The following RGL3 variants were observed in gnomAD, a reference collection of about 807,000 sequenced individuals.
The protein encoded by RGL3 is ral guanine nucleotide dissociation stimulator like 3.
Under a neutral mutation model 90.6 loss-of-function variants are expected in RGL3, and 85 were observed. The ratio of observed to expected loss-of-function variants is 0.94; its 90% CI spans 0.79 to 1.12. The LOEUF (loss-of-function observed/expected upper bound fraction) is 1.12. RGL3 is among the 50% of genes most tolerant of loss of function. RGL3 has a pLI of 0.00. For missense variants in RGL3, 1,034 were observed against 939.2 expected (o/e 1.10, Z -1.32); for synonymous variants, 408 against 385.5 (o/e 1.06, Z -0.68).
rs771958776 is a variant in RGL3, at chr19:11,416,086, G to C, written c.488C>G (p.Pro163Arg). The C allele has an allele frequency of 1.4e-5, 22 of 1,609,302 alleles. 1 individual carries two copies. The South Asian group carries it at 2.3e-4, about 17-fold the overall frequency. The change falls in exon 5 of 19, where the codon CCT becomes CGT. Residue 163 changes from proline to arginine, a missense_variant. Pro to Arg is a moderately radical substitution (Grantham distance 103). Coordinates refer to ENST00000380456, the MANE Select transcript of RGL3 (RefSeq NM_001035223.4). ...QDHPQDFRDH[P>R]AHSDLGSVRT... Reference sequence around the variant, plus strand: ...GACACTGCCCAGGTCCGAATGGGCAGGGTGGTCTCGGAAATCCTGAGGGTG... The same window carrying C: ...GACACTGCCCAGGTCCGAATGGGCACGGTGGTCTCGGAAATCCTGAGGGTG...
intron 9 of RGL3, among the ~76,000 whole-genome samples, chr19:11,403,219 T>C (rs1038060979): frequency 1.3e-5 from 2 of 150,906 alleles, no homozygotes; most frequent in Non-Finnish European, 3.0e-5. Flanking sequence ...GTATTTTTAG[T>C]AGAGACAGGG....
chr19:11,408,386 A>G (rs1178306295), intron 5 of RGL3, among the ~76,000 whole-genome samples: 2 of 152,200 alleles, frequency 1.3e-5, no homozygotes, highest in South Asian at 2.1e-4. Flanking sequence ...GTTCGAGACC[A>G]GCGTGGCCAA....
rs370515953 is a variant in RGL3 at position 11,405,169 on chromosome 19, C to T, written c.1163G>A (p.Ser388Asn). 1 of 1,613,956 alleles carries T rather than the reference C, an allele frequency of 6.2e-7. No homozygotes were observed. The highest frequency in any genetic ancestry group is 1.3e-5 in the African/African-American group (1 of 74,916). ...QIFSDENNHL[S>N]SREILFQEEA... ...TACCTGGAAAAGAATCTCTCTGCTG[C>T]TGAGGTGGTTGTTCTCATCGGAGAA... The change falls in exon 9 of 19, where the codon AGC becomes AAC. Residue 388 changes from serine to asparagine, a missense_variant. Physicochemically the swap from Ser to Asn is conservative, Grantham distance 46. Coordinates refer to ENST00000380456, the MANE Select transcript of RGL3 (RefSeq NM_001035223.4).
At chr19:11,414,153 A>ATATATACACACC (rs1555720085) in intron 5 of RGL3, among the ~76,000 whole-genome samples, 5 of 85,026 alleles carry the variant, frequency 5.9e-5, no homozygotes, top group Non-Finnish European at 1.1e-4. Context: ...ATATATATAT[A>ATATATACACACC]TATATATATA....
rs199508921 is a variant in RGL3, at chr19:11,405,345, G to T, written c.1078C>A (p.Arg360Ser). ...LQSNPIYRLK[R>S]SWGAVSREPL... Reference sequence around the variant, plus strand: ...CACCGGCTCACTGCCCCCCAGCTGCGCTTGAGCCGGTAGATGGGGTTAGAT... The same window carrying T: ...CACCGGCTCACTGCCCCCCAGCTGCTCTTGAGCCGGTAGATGGGGTTAGAT... The change falls in exon 8 of 19, where the codon CGC becomes AGC. Residue 360 changes from arginine (R) to serine (S), a missense_variant. Physicochemically the swap from Arg to Ser is moderately radical, Grantham distance 110. Transcript: ENST00000380456. 9 of 1,612,916 alleles carry T rather than the reference G, an allele frequency of 5.6e-6. No individual in the cohort carries two copies. The South Asian group carries it at 9.9e-5, about 18-fold the overall frequency.
Position 11,405,385 on chromosome 19 carries a change from G to A in RGL3, c.1038C>T (p.Ile346=), listed in dbSNP as rs1968756711. 1 of 1,608,452 alleles carries A rather than the reference G, an allele frequency of 6.2e-7. No individual in the cohort carries two copies. The highest frequency in any genetic ancestry group is 8.5e-7 in the Non-Finnish European group (1 of 1,177,586). The part of the protein sequence containing the change: ...ELRNFSSLRA[I]LSALQSNPIY... Reference sequence around the variant, plus strand: ...TGGGGTTAGATTGCAGGGCGGACAGGATGGCGCGCAAGGAGGAGAAGTTCC... The same window carrying A: ...TGGGGTTAGATTGCAGGGCGGACAGAATGGCGCGCAAGGAGGAGAAGTTCC... Residue 346 remains isoleucine, a synonymous_variant, in exon 8 of 19, where the codon ATC becomes ATT. Transcript: ENST00000380456.
chr19:11,418,950 C>T (rs1181797184), intron 1 of RGL3, 166 bp from the exon 2 acceptor site: 1 of 635,522 alleles, frequency 1.6e-6, no homozygotes, highest in African/African-American at 1.9e-5. Context: ...CCCCTCCTCG[C>T]TGCGGGTCCC....
chr19:11,411,209 A>C (rs894187664), intron 5 of RGL3: 1 of 103,872 alleles, frequency 9.6e-6, no homozygotes, highest in Admixed American at 9.5e-5. Flanking sequence ...ACTCCATCTC[A>C]AAAAAAAAAA....
intron 7 of RGL3, among the ~76,000 whole-genome samples, chr19:11,406,015 C>T (rs900272415): frequency 1.3e-5 from 2 of 151,778 alleles, no homozygotes; most frequent in Non-Finnish European, 2.9e-5. Flanking sequence ...TGAGTCACTG[C>T]GCCCAGCCTG....
chr19:11,414,153 A>ATATATATATATATATATATATACACC (rs1968921707), intron 5 of RGL3, among the ~76,000 whole-genome samples: 1 of 85,012 alleles, frequency 1.2e-5, no homozygotes, highest in Non-Finnish European at 2.3e-5. Context: ...ATATATATAT[A>ATATATATATATATATATATATACACC]TATATATATA....
At chr19:11,402,617 C>T in intron 10 of RGL3, 33 bp downstream of exon 10, 1 of 1,613,406 alleles carries the variant, frequency 6.2e-7, no homozygotes, top group Non-Finnish European at 8.5e-7. Flanking sequence ...CTGAAGGTCC[C>T]ACTTGTCCCC....
At chr19:11,409,429 C>G (rs971552525) in intron 5 of RGL3, among the ~76,000 whole-genome samples, 1 of 151,944 alleles carries the variant, frequency 6.6e-6, no homozygotes, top group African/African-American at 2.4e-5. Context: ...TGCAGTAAGC[C>G]GAGATCATGC....
In RGL3 at chr19:11,412,749, G is replaced by A. The variant is rs527483876; in HGVS notation, c.637+3188C>T. Among the ~76,000 whole-genome samples, 10 of 151,640 alleles carry A rather than the reference G, an allele frequency of 6.6e-5. No homozygotes were observed. The East Asian group carries it at 9.8e-4, about 15-fold the overall frequency. On this transcript the variant is annotated intron_variant, in intron 5 of 18. Transcript: ENST00000380456. ...TGGGAGACCGAGGCAAGCGGATCACGAGATCAGGAGATCGAGACCATCTTG... is the reference window on the plus strand; with the variant it reads ...TGGGAGACCGAGGCAAGCGGATCACAAGATCAGGAGATCGAGACCATCTTG...
At chr19:11,415,269 C>A (rs1329006573) in intron 5 of RGL3, among the ~76,000 whole-genome samples, 1 of 151,704 alleles carries the variant, frequency 6.6e-6, no homozygotes, top group Non-Finnish European at 1.5e-5. Flanking sequence ...GCGGGAGGAT[C>A]ACCTGAGTCC....
rs901095590 is a variant in RGL3, at chr19:11,402,830, A to G, written c.1186-124T>C. On this transcript the variant is annotated intron_variant, in intron 9 of 18. Coordinates refer to ENST00000380456, the MANE Select transcript of RGL3 (RefSeq NM_001035223.4). Reference sequence around the variant, plus strand: ...AGTAATCAAAAGTCAGTGGTAGGCCAGGTGCGATGGCTCACGCCTGTAATC... The same window carrying G: ...AGTAATCAAAAGTCAGTGGTAGGCCGGGTGCGATGGCTCACGCCTGTAATC... 1.5e-5 allele frequency: 12 copies of G among 823,144 alleles called. No homozygotes were observed. The African/African-American group carries it at 1.9e-4, about 13-fold the overall frequency. 51.0% of individuals were successfully genotyped at this position (823,144 alleles called of 1,614,324 possible). A position where few individuals can be genotyped will look rare whatever the true frequency, so the allele number is the denominator to read the frequency against.
chr19:11,417,161 T>C (rs1969018228), intron 2 of RGL3, 102 bp from the exon 3 acceptor site: 1 of 952,002 alleles, frequency 1.1e-6, no homozygotes, highest in Non-Finnish European at 1.5e-6. Context: ...TTTTTTTGTT[T>C]TTTTTTTTGA....
At position 11,394,536 on chromosome 19, in the gene RGL3, G is replaced by A; in HGVS notation, c.2015-16C>T. The A allele has an allele frequency of 1.9e-6, 3 of 1,593,408 alleles. No homozygotes were observed. The highest frequency in any genetic ancestry group is 2.6e-6 in the Non-Finnish European group (3 of 1,161,474). On this transcript the variant is annotated splice_polypyrimidine_tract_variant and intron_variant, in intron 18 of 18. Transcript: ENST00000380456. ...ATCAGGAGCACTGGTCAGGAGTGGA[G>A]ATGGTGGTAATAGGCCCTCACAACC... is the stretch of plus-strand genomic sequence containing the variant.
At chr19:11,396,136 C>CTCTATATA (rs1367805487) in intron 18 of RGL3, among the ~76,000 whole-genome samples, 8 of 17,902 alleles carry the variant, frequency 4.5e-4, no homozygotes, top group Non-Finnish European at 6.0e-4. Flanking sequence ...CTCTCTCTCT[C>CTCTATATA]TATATATATA....
In RGL3 at chr19:11,397,473, T is replaced by C; in HGVS notation, c.1871A>G (p.Asp624Gly). The C allele has an allele frequency of 6.2e-7, 1 of 1,612,728 alleles. No individual in the cohort carries two copies. Among genetic ancestry groups the C allele is most frequent in the Non-Finnish European group, 8.5e-7 (1 of 1,179,282 alleles). ...GATGCTTCGATACAGGTTCCCGTGG[T>C]CATTGTCGATGCTGACGCGGATGAC... is the stretch of plus-strand genomic sequence containing the variant. ...ARVIRVSIDN[D>G]HGNLYRSILL... is the part of the protein sequence containing the mutation. The change falls in exon 17 of 19, where the codon GAC (aspartate) becomes GGC (glycine). Residue 624 changes from aspartate (D) to glycine (G), a missense_variant. Transcript: ENST00000380456.
Sources: allele counts gnomAD v4.1 joint callset (sites outside exome capture counted in the v4.1 genomes callset), GRCh38; gene constraint gnomAD v4.1.1; transcripts MANE v1.5; gene names NCBI Gene and HGNC (gene_info 2026-07-23, HGNC 2026-07-21).